RIMS2: variants seen among roughly 807,000 people sequenced by gnomAD.
RIMS2 encodes regulating synaptic membrane exocytosis protein 2.
A neutral mutation model predicts 174.4 loss-of-function variants in RIMS2; 59 were observed. That is an observed-to-expected ratio of 0.34 (90% CI 0.27 to 0.42). RIMS2 has a LOEUF of 0.42. Among genes scored for constraint, RIMS2 ranks in the 10% least tolerant of loss-of-function variants. The pLI is 1.00. For missense variants in RIMS2, 1,620 were observed against 1,666.3 expected, an observed-to-expected ratio of 0.97 and a Z score of 0.48; for synonymous variants, 606 against 572.5, an observed-to-expected ratio of 1.06 and a Z score of -0.84.
intron 1 of RIMS2, among the ~76,000 whole-genome samples, chr8:103,623,662 T>G (rs1032205311): frequency 4.0e-5 from 6 of 149,716 alleles, no homozygotes; most frequent in Non-Finnish European, 8.9e-5. Flanking sequence ...TTTTTTTTTT[T>G]GTATTTTTAG....
At chr8:103,899,937 T>C (rs2099318286) in intron 4 of RIMS2, among the ~76,000 whole-genome samples, 1 of 151,784 alleles carries the variant, frequency 6.6e-6, no homozygotes, top group African/African-American at 2.4e-5. Flanking sequence ...TTTCTACCTA[T>C]GGCTAGCAAG....
At chr8:103,766,338 C>A (rs2098170911) in exon 3 of RIMS2, 3 of 1,613,380 alleles carry the variant, frequency 1.9e-6, no homozygotes, top group Non-Finnish European at 2.5e-6. Flanking sequence ...TCAAAAGGTT[C>A]TTCGAGGGCT....
At chr8:103,530,322 TA>T (rs1836420793) in intron 1 of RIMS2, among the ~76,000 whole-genome samples, 1 of 151,996 alleles carries the variant, frequency 6.6e-6, no homozygotes, top group Admixed American at 6.6e-5. Flanking sequence ...TTTAATTAAT[TA>T]AAAAAGACAA....
intron 1 of RIMS2, among the ~76,000 whole-genome samples, chr8:103,692,849 G>A (rs1240874686): frequency 6.6e-6 from 1 of 152,184 alleles, no homozygotes; most frequent in Non-Finnish European, 1.5e-5. Flanking sequence ...TGGGGGAGGG[G>A]TGATGCAAGC....
At chr8:104,120,908 G>A (rs998911689) in intron 19 of RIMS2, among the ~76,000 whole-genome samples, 1 of 152,146 alleles carries the variant, frequency 6.6e-6, no homozygotes, top group East Asian at 1.9e-4. Flanking sequence ...TAAACATGGG[G>A]ATTAGCTAAC....
chr8:104,098,752 G>T (rs1598791887), intron 19 of RIMS2, among the ~76,000 whole-genome samples: 1 of 152,122 alleles, frequency 6.6e-6, no homozygotes, highest in African/African-American at 2.4e-5. Flanking sequence ...CAGAATAATT[G>T]TTAATGAAAC....
intron 2 of RIMS2, among the ~76,000 whole-genome samples, chr8:103,720,158 T>C (rs1406018678): frequency 3.9e-5 from 6 of 152,196 alleles, no homozygotes; most frequent in Admixed American, 3.3e-4. Context: ...CAGCTGCAGC[T>C]ATGATGTTCA....
In RIMS2 at chr8:103,745,049, A is replaced by C. The variant is rs188773615; in HGVS notation, c.388-21178A>C. ...GTTGAGATATTTATATAGTAAAATT[A>C]ACTATTTTAAAGTATACAAGTTAGT... On this transcript the variant is annotated intron_variant, in intron 2 of 23. Coordinates refer to ENST00000504942, the Ensembl canonical transcript of RIMS2. Among the ~76,000 whole-genome samples the C allele has an allele frequency of 1.1e-3, 171 of 152,344 alleles. 1 individual carries two copies. The highest frequency in any genetic ancestry group is 2.0e-3 in the Non-Finnish European group (133 of 68,032).
chr8:104,070,106 A>G lies in RIMS2; in HGVS notation c.3334+55491A>G, dbSNP rs547488038. 8.1e-4 allele frequency among the ~76,000 whole-genome samples: 123 copies of G among 152,308 alleles called. 1 individual carries two copies. The highest frequency in any genetic ancestry group is 1.4e-3 in the Non-Finnish European group (93 of 68,024). On this transcript the variant is annotated intron_variant, in intron 19 of 23. Coordinates refer to ENST00000504942, the Ensembl canonical transcript of RIMS2. ...ATAACCTCAAGAACTAATTAAGTAA[A>G]GCATAAGTGGCTATGTTGGGTATAC...
chr8:103,533,949 T>A (rs13251612), intron 1 of RIMS2, among the ~76,000 whole-genome samples: 17,646 of 152,244 alleles, frequency 0.12, 1,360 homozygotes, highest in Non-Finnish European at 0.17. Flanking sequence ...ATATTATGAC[T>A]CATTCTATCA....
chr8:103,546,719 T>C (rs79683055), intron 1 of RIMS2, among the ~76,000 whole-genome samples: 18,872 of 152,128 alleles, frequency 0.12, 1,265 homozygotes, highest in Middle Eastern at 0.22. Context: ...AAATCAATGC[T>C]AGGAAAACCA....
chr8:103,584,672 G>T (rs1462950521), intron 1 of RIMS2, among the ~76,000 whole-genome samples: 1 of 152,132 alleles, frequency 6.6e-6, no homozygotes, highest in Non-Finnish European at 1.5e-5. Context: ...CTCAGGTTAA[G>T]ATAATGGGTT....
chr8:103,570,979 C>T (rs2092764205), intron 1 of RIMS2, among the ~76,000 whole-genome samples: 1 of 152,070 alleles, frequency 6.6e-6, no homozygotes, highest in African/African-American at 2.4e-5. Flanking sequence ...ATTTTGGAGC[C>T]TTCTTTGACT....
At chr8:104,131,495 T>G (rs563013879) in intron 19 of RIMS2, among the ~76,000 whole-genome samples, 7 of 152,264 alleles carry the variant, frequency 4.6e-5, no homozygotes, top group African/African-American at 1.4e-4. Flanking sequence ...TATGTTATAT[T>G]TGATGATACA....
intron 1 of RIMS2, among the ~76,000 whole-genome samples, chr8:103,690,885 G>T (rs1408306879): frequency 6.6e-6 from 1 of 152,102 alleles, no homozygotes; most frequent in Non-Finnish European, 1.5e-5. Flanking sequence ...TTGTTGGCAG[G>T]TCTGATGTTG....
chr8:103,563,138 G>T (rs887533907), intron 1 of RIMS2, among the ~76,000 whole-genome samples: 1 of 152,174 alleles, frequency 6.6e-6, no homozygotes, highest in Non-Finnish European at 1.5e-5. Context: ...CATTGTCTTG[G>T]TGATTAACAT....
chr8:104,049,047 G>A (rs2096740191), intron 19 of RIMS2, among the ~76,000 whole-genome samples: 1 of 151,624 alleles, frequency 6.6e-6, no homozygotes. Flanking sequence ...GTAGAACTGG[G>A]CATCGGACTA....
chr8:103,777,870 T>TGAAATTGGGTATAAACTGGGTAC (rs2154431501), intron 3 of RIMS2, among the ~76,000 whole-genome samples: 1 of 152,052 alleles, frequency 6.6e-6, no homozygotes, highest in East Asian at 1.9e-4. Context: ...ATGCTGGGTA[T>TGAAATTGGGTATAAACTGGGTAC]GAAATTGGGT....
chr8:103,800,000 G>T (rs993650521), intron 3 of RIMS2, among the ~76,000 whole-genome samples: 1 of 152,082 alleles, frequency 6.6e-6, no homozygotes, highest in Non-Finnish European at 1.5e-5. Context: ...AATTAAGTCA[G>T]AGTTCACTTG....
Sources: allele counts gnomAD v4.1 joint callset (sites outside exome capture counted in the v4.1 genomes callset), GRCh38; gene constraint gnomAD v4.1.1; transcripts MANE v1.5; gene names NCBI Gene and HGNC (gene_info 2026-07-23, HGNC 2026-07-21).